Variants in CUL7 observed in about 807,000 individuals in gnomAD.
CUL7 encodes the protein cullin 7, also known as cullin-7.
In CUL7, 96 loss-of-function variants were observed where a neutral mutation model predicts 177.7. The observed-to-expected ratio is 0.54, with a 90% CI of 0.46 to 0.64. CUL7 has a LOEUF of 0.64. Ranked by LOEUF, CUL7 falls within the 30% of genes least tolerant of loss-of-function variation. The probability of loss-of-function intolerance (pLI) is 0.00; values close to 1 mark genes in which losing one functional copy is unlikely to be tolerated. For synonymous variants in CUL7, 824 were observed against 890.2 expected, an observed-to-expected ratio of 0.93 and a Z score of 1.32; for missense variants, 1,893 against 2,187.9, an observed-to-expected ratio of 0.87 and a Z score of 2.69.
At chr6:43,038,119 A>G in intron 25 of CUL7, 108 bp from the exon 26 acceptor site, 1 of 1,494,780 alleles carries the variant, frequency 6.7e-7, no homozygotes. Flanking sequence ...CCCCAAGGAC[A>G]CGAGGTACAT....
At chr6:43,046,790 C>T in intron 10 of CUL7, 90 bp downstream of exon 10, 7 of 1,228,860 alleles carry the variant, frequency 5.7e-6, no homozygotes, top group Non-Finnish European at 7.2e-6. Flanking sequence ...CCTGCTGTTC[C>T]CAGCCATGGG....
In CUL7 at chr6:43,049,952, G is replaced by A; in HGVS notation, c.1569+11C>T. ...CCCTCCAACCTCTGAGTGTCTCCAG[G>A]CTGGCTCTACCTCCCCATCTAGGTT... On this transcript the variant is annotated intron_variant, in intron 6 of 25. Transcript: ENST00000265348. The A allele has an allele frequency of 6.2e-7, 1 of 1,612,470 alleles. No individual in the cohort carries two copies. Among genetic ancestry groups the A allele is most frequent in the Non-Finnish European group, 8.5e-7 (1 of 1,178,912 alleles).
rs773435731 is a variant in CUL7, at chr6:43,046,489, C to CA, written c.2488+21dup. ...CAGACATAGGTGTGGGGAGGTGGAG[C>CA]AACACGGCAACAGGCACGAACCCTG... On this transcript the variant is annotated intron_variant, in intron 11 of 25. Coordinates refer to ENST00000265348, the MANE Select transcript of CUL7 (RefSeq NM_014780.5). 6.2e-6 allele frequency: 10 copies of CA among 1,614,050 alleles called. No individual in the cohort carries two copies. In the South Asian group the frequency reaches 9.9e-5, roughly 16 times the overall value.
chr6:43,048,037 A>G, intron 9 of CUL7, 111 bp downstream of exon 9: 1 of 676,398 alleles, frequency 1.5e-6, no homozygotes, highest in Non-Finnish European at 2.7e-6. Flanking sequence ...ACTCAAACCA[A>G]GAGCTCAAAG....
intron 22 of CUL7, among the ~76,000 whole-genome samples, chr6:43,039,600 C>T (rs546372817): frequency 6.6e-6 from 1 of 152,144 alleles, no homozygotes; most frequent in Non-Finnish European, 1.5e-5. Context: ...CCTGCCACCC[C>T]CAGCCACCAA....
At position 43,045,694 on chromosome 6, in the gene CUL7, C is replaced by A. The variant is rs1554137699; in HGVS notation, c.2767-12G>T. The A allele has an allele frequency of 6.2e-7, 1 of 1,614,028 alleles. No homozygotes were observed. The highest frequency in any genetic ancestry group is 1.1e-5 in the South Asian group (1 of 91,078). ...GGCATCACATTCACCTGGCAGGGGG[C>A]AGAGAAAGCTGTCACCTCCACACAT... is the stretch of plus-strand genomic sequence containing the variant. On this transcript the variant is annotated splice_polypyrimidine_tract_variant and intron_variant, in intron 13 of 25. Coordinates refer to ENST00000265348, the MANE Select transcript of CUL7 (RefSeq NM_014780.5). The surrounding 1 kb of genome is among the most constrained non-coding windows in gnomAD (Gnocchi z 4.8).
At chr6:43,044,131 T>G (rs1421832686) in intron 16 of CUL7, among the ~76,000 whole-genome samples, 8 of 152,136 alleles carry the variant, frequency 5.3e-5, no homozygotes, top group Non-Finnish European at 2.9e-5. Flanking sequence ...GAGACCAGCC[T>G]GACCAACATG....
rs1764606791 is a variant in CUL7, at chr6:43,053,358, G to C, written c.-9+264C>G. On this transcript the variant is annotated intron_variant, in intron 1 of 25. Coordinates refer to ENST00000265348, the MANE Select transcript of CUL7 (RefSeq NM_014780.5). This position sits in a 1 kb window ranked among gnomAD's most constrained non-coding sequence, Gnocchi z 4.1. ...GGTGGGTTGGAGGCGCCTCCGACTGGAGCAACTGGAACAAGAGGGCTGGTG... is the reference window on the plus strand; with the variant it reads ...GGTGGGTTGGAGGCGCCTCCGACTGCAGCAACTGGAACAAGAGGGCTGGTG... 6.6e-6 allele frequency among the ~76,000 whole-genome samples: 1 copy of C among 152,150 alleles called. No homozygotes were observed. The highest frequency in any genetic ancestry group is 1.5e-5 in the Non-Finnish European group (1 of 68,028).
At position 43,037,850 on chromosome 6, in the gene CUL7, G is replaced by A. The variant is rs116910528; in HGVS notation, c.4935C>T (p.Ser1645=). 5.5e-4 allele frequency: 888 copies of A among 1,613,508 alleles called. 7 individuals are homozygous for A. The East Asian group carries it at 0.017, about 30-fold the overall frequency. Residue 1645 remains serine (S), a synonymous_variant, in exon 26 of 26, where the codon TCC becomes TCT. Transcript: ENST00000265348. The stretch of plus-strand genomic sequence containing the variant: ...CCATGACAGTCACAGGGACTGCATA[G>A]GACAGCACCTGGGGCCGGTCGTCAT... ...RRHDDRPQVL[S]YAVPVTVMEP... is the part of the protein sequence containing the mutation.
Position 43,046,031 on chromosome 6 carries a change from C to T in CUL7, c.2721G>A (p.Val907=). Reference sequence around the variant, plus strand: ...GAGAGCTAGTGCTATCACCCCCGCACACCACCACTCGGGCCGGCATGTAAC... The same window carrying T: ...GAGAGCTAGTGCTATCACCCCCGCATACCACCACTCGGGCCGGCATGTAAC... ...DSSYMPARVV[V]CGGDSTSSLH... is the part of the protein sequence containing the mutation. Residue 907 remains valine, a synonymous_variant, in exon 13 of 26, where the codon GTG becomes GTA. Transcript: ENST00000265348. The T allele has an allele frequency of 6.2e-7, 1 of 1,614,192 alleles. No individual in the cohort carries two copies.
intron 19 of CUL7, among the ~76,000 whole-genome samples, chr6:43,041,832 C>T (rs1012399925): frequency 2.6e-5 from 4 of 151,608 alleles, no homozygotes; most frequent in East Asian, 1.9e-4. Context: ...GGTGAAACTC[C>T]GTCTCTACTA....
In CUL7 at chr6:43,040,427, C is replaced by T. The variant is rs1763308434; in HGVS notation, c.4024-1G>A. 2 of 1,612,462 alleles carry T rather than the reference C, an allele frequency of 1.2e-6. No individual in the cohort carries two copies. Among genetic ancestry groups the T allele is most frequent in the East Asian group, 4.5e-5 (2 of 44,890 alleles). On this transcript the variant is annotated splice_acceptor_variant, in intron 21 of 25. Transcript: ENST00000265348. LOFTEE classifies it high-confidence loss of function. This position sits in a 1 kb window ranked among gnomAD's most constrained non-coding sequence, Gnocchi z 4.2. Reference sequence around the variant, plus strand: ...CCTTGCCACTGGCCCCAAGGCCCACCTGAAGGAGCACAGGGTTCCCAGATG... The same window carrying T: ...CCTTGCCACTGGCCCCAAGGCCCACTTGAAGGAGCACAGGGTTCCCAGATG...
In CUL7 at chr6:43,040,596, G is replaced by A. The variant is rs781105907; in HGVS notation, c.3957C>T (p.His1319=). The A allele has an allele frequency of 2.5e-6, 4 of 1,614,172 alleles. No homozygotes were observed. The highest frequency in any genetic ancestry group is 2.2e-5 in the South Asian group (2 of 91,086). ...GATCCAGCTGCTGGAGCTGGTAGAC[G>A]TGGAACTGGCGCTGCAGCTCCTTAG... ...STSKELQRQF[H]VYQLQQLDQE... is the part of the protein sequence containing the mutation. Residue 1319 remains histidine (H), a synonymous_variant, in exon 21 of 26, where the codon CAC becomes CAT. Transcript: ENST00000265348. This position sits in a 1 kb window ranked among gnomAD's most constrained non-coding sequence, Gnocchi z 4.2.
In CUL7 at chr6:43,045,480, C is replaced by T. The variant is rs1200771614; in HGVS notation, c.2863-78G>A. On this transcript the variant is annotated intron_variant, in intron 14 of 25. Coordinates refer to ENST00000265348, the MANE Select transcript of CUL7 (RefSeq NM_014780.5). The surrounding 1 kb of genome is among the most constrained non-coding windows in gnomAD (Gnocchi z 4.8). ...GGGTCAGCTACGCCCTCGAACCTCA[C>T]CCCTGGAGCTGCTCGAGACCCAGGC... The T allele has an allele frequency of 1.2e-6, 2 of 1,613,532 alleles. No homozygotes were observed. The highest frequency in any genetic ancestry group is 2.2e-5 in the East Asian group (1 of 44,898).
Position 43,043,430 on chromosome 6 carries a change from T to A in CUL7, c.3355+18A>T. Reference sequence around the variant, plus strand: ...ACGCTCCTGACTAGAGCTCCCCACCTGAATCTCCACTACTCACTGGGCCGA... The same window carrying A: ...ACGCTCCTGACTAGAGCTCCCCACCAGAATCTCCACTACTCACTGGGCCGA... On this transcript the variant is annotated intron_variant, in intron 17 of 25. Coordinates refer to ENST00000265348, the MANE Select transcript of CUL7 (RefSeq NM_014780.5). This position sits in a 1 kb window ranked among gnomAD's most constrained non-coding sequence, Gnocchi z 4.2. 1 of 1,612,660 alleles carries A rather than the reference T, an allele frequency of 6.2e-7. No homozygotes were observed. Among genetic ancestry groups the A allele is most frequent in the East Asian group, 2.2e-5 (1 of 44,864 alleles).
In CUL7 at chr6:43,046,603, T is replaced by C. The variant is rs1359152024; in HGVS notation, c.2398-2A>G. ...GTCTTCGATCTGGCCCAGCACCATC[T>C]GCAGCCAGAACATCAGAGAGAAGGG... On this transcript the variant is annotated splice_acceptor_variant, in intron 10 of 25. Coordinates refer to ENST00000265348, the MANE Select transcript of CUL7 (RefSeq NM_014780.5). LOFTEE classifies it high-confidence loss of function. 2.5e-6 allele frequency: 4 copies of C among 1,613,964 alleles called. No homozygotes were observed. The Admixed American group carries it at 5.0e-5, about 20-fold the overall frequency.
rs1383547500 is a variant in CUL7 at position 43,046,245 on chromosome 6, A to T, written c.2651T>A (p.Ile884Asn). ...TGTGTGGGAGAGTTACCTGATGAGG[A>T]TGCCCCGGCGCATGTGCAGGGTGAT... The part of the protein sequence containing the change: ...HYITLHMRRG[I>N]LIRQLTLLVA... Residue 884 changes from isoleucine (I) to asparagine (N), a missense_variant, in exon 12 of 26, where the codon ATC becomes AAC. Physicochemically the swap from Ile to Asn is moderately radical, Grantham distance 149. Transcript: ENST00000265348. The T allele has an allele frequency of 4.3e-6, 7 of 1,614,098 alleles. No individual in the cohort carries two copies. Among genetic ancestry groups the T allele is most frequent in the Non-Finnish European group, 5.9e-6 (7 of 1,180,052 alleles).
In CUL7 at chr6:43,045,208, C is replaced by T. The variant is rs952194656; in HGVS notation, c.3038+19G>A. 5 of 1,611,514 alleles carry T rather than the reference C, an allele frequency of 3.1e-6. No individual in the cohort carries two copies. The highest frequency in any genetic ancestry group is 2.2e-5 in the East Asian group (1 of 44,790). On this transcript the variant is annotated intron_variant, in intron 15 of 25. Coordinates refer to ENST00000265348, the MANE Select transcript of CUL7 (RefSeq NM_014780.5). This position sits in a 1 kb window ranked among gnomAD's most constrained non-coding sequence, Gnocchi z 4.8. Reference sequence around the variant, plus strand: ...TACCTTTCCCACAGACACAAGCATACACGCACACTCTCACACACCTAGAAC... The same window carrying T: ...TACCTTTCCCACAGACACAAGCATATACGCACACTCTCACACACCTAGAAC...
At position 43,040,019 on chromosome 6, in the gene CUL7, C is replaced by T. The variant is rs187782615; in HGVS notation, c.4294+137G>A. The T allele has an allele frequency of 1.9e-5, 20 of 1,064,458 alleles. No individual in the cohort carries two copies. The highest frequency in any genetic ancestry group is 3.8e-5 in the South Asian group (3 of 78,210). 65.9% of individuals were successfully genotyped at this position (1,064,458 alleles called of 1,614,324 possible). A position where few individuals can be genotyped will look rare whatever the true frequency, so the allele number is the denominator to read the frequency against. On this transcript the variant is annotated intron_variant, in intron 22 of 25. Coordinates refer to ENST00000265348, the MANE Select transcript of CUL7 (RefSeq NM_014780.5). This position sits in a 1 kb window ranked among gnomAD's most constrained non-coding sequence, Gnocchi z 4.2. ...CCTCCCAAAGTGCTGGGATTACAGG[C>T]GTGAGCACTGTGCCCAGCCAAAGAC...
Sources: gnomAD v4.1 joint callset for allele counts (sites outside exome capture counted in the v4.1 genomes callset) on GRCh38, gnomAD v4.1.1 for gene constraint, Gnocchi (gnomAD v3.1) non-coding constraint, MANE v1.5 for transcripts, NCBI Gene and HGNC (gene_info 2026-07-23, HGNC 2026-07-21) for gene names.